Variants in NAA30 observed in about 807,000 individuals in gnomAD.
NAA30 encodes the protein N-alpha-acetyltransferase 30, NatC catalytic subunit.
In NAA30, 5 loss-of-function variants were observed where a neutral mutation model predicts 31.4. The observed-to-expected ratio is 0.16, with a 90% confidence interval of 0.08 to 0.33. NAA30 has a LOEUF of 0.33. Among genes scored for constraint, NAA30 ranks in the 10% least tolerant of loss-of-function variants. The pLI, the probability that NAA30 is intolerant of heterozygous loss-of-function variation, is 1.00. For missense variants in NAA30, 428 were observed against 490.8 expected (o/e 0.87, Z 1.21); for synonymous variants, 222 against 207.1 (o/e 1.07, Z -0.62).
rs190300927 is a variant in NAA30 at position 57,395,525 on chromosome 14, A to G, written c.772-1227A>G. 1.2e-3 allele frequency among the ~76,000 whole-genome samples: 186 copies of G among 152,286 alleles called. 2 individuals are homozygous for G. Among genetic ancestry groups the G allele is most frequent in the African/African-American group, 4.3e-3 (180 of 41,568 alleles). On this transcript the variant is annotated intron_variant, in intron 2 of 4. Transcript: ENST00000556492. ...CAGTTGGAGATACTGCCCTATTTATATTTACCAGAAATACTGTGTTACTAG... is the reference window on the plus strand; with the variant it reads ...CAGTTGGAGATACTGCCCTATTTATGTTTACCAGAAATACTGTGTTACTAG...
chr14:57,393,806 C>T (rs566090567), intron 2 of NAA30, among the ~76,000 whole-genome samples: 2 of 151,818 alleles, frequency 1.3e-5, no homozygotes, highest in African/African-American at 2.4e-5. Flanking sequence ...AGATATTTAC[C>T]GTCGGAAGGG....
In NAA30 at chr14:57,390,697, C is replaced by T. The variant is rs1042041306; in HGVS notation, c.-10C>T. On this transcript the variant is annotated 5_prime_UTR_variant, in exon 1 of 5. Coordinates refer to ENST00000556492, the MANE Select transcript of NAA30 (RefSeq NM_001011713.3). ...GAGTGGCGGCAGCGGCGGCGGGGAC[C>T]CGTGCGGGGTGAGCCGTGAGGAGGG... 1.6e-5 allele frequency: 6 copies of T among 382,294 alleles called. No homozygotes were observed. Among genetic ancestry groups the T allele is most frequent in the East Asian group, 3.8e-5 (1 of 26,288 alleles). 23.7% of individuals were successfully genotyped at this position (382,294 alleles called of 1,614,324 possible). A position where few individuals can be genotyped will look rare whatever the true frequency, so the allele number is the denominator to read the frequency against.
In NAA30 at chr14:57,399,897, A is replaced by G. The variant is rs749927084; in HGVS notation, c.951+14A>G. ...GACTGTGATGAGGTAAGTCTTTAAA[A>G]ATGTTTAATATTTTTTATCTGGGCA... On this transcript the variant is annotated intron_variant, in intron 4 of 4. Transcript: ENST00000556492. 1 of 1,335,524 alleles carries G rather than the reference A, an allele frequency of 7.5e-7. No homozygotes were observed. The highest frequency in any genetic ancestry group is 1.3e-5 in the South Asian group (1 of 77,724). 82.7% of individuals were successfully genotyped at this position (1,335,524 alleles called of 1,614,324 possible).
intron 3 of NAA30, 68 bp from the exon 4 acceptor site, chr14:57,399,760 A>G: frequency 1.2e-6 from 1 of 856,050 alleles, no homozygotes; most frequent in Non-Finnish European, 1.9e-6. Context: ...GTGCTTACGA[A>G]TATTATAATT....
In NAA30 at chr14:57,390,966, G is replaced by A; in HGVS notation, c.9G>A (p.Glu3=). Reference sequence around the variant, plus strand: ...TCTGTGTCGCTTCTAGGATGGCGGAGGTACCGCCTGGGCCTAGCAGCCTCC... The same window carrying A: ...TCTGTGTCGCTTCTAGGATGGCGGAAGTACCGCCTGGGCCTAGCAGCCTCC... MA[E]VPPGPSSLLP... The change falls in exon 2 of 5, where the codon GAG becomes GAA. Residue 3 remains glutamate, a synonymous_variant. Coordinates refer to ENST00000556492, the MANE Select transcript of NAA30 (RefSeq NM_001011713.3). 3 of 1,478,552 alleles carry A rather than the reference G, an allele frequency of 2.0e-6. No individual in the cohort carries two copies. Among genetic ancestry groups the A allele is most frequent in the Non-Finnish European group, 2.7e-6 (3 of 1,120,758 alleles). 91.6% of individuals were successfully genotyped at this position (1,478,552 alleles called of 1,614,324 possible). A position where few individuals can be genotyped will look rare whatever the true frequency, so the allele number is the denominator to read the frequency against.
rs1271435555 is a variant in NAA30 at position 57,415,074 on chromosome 14, TTTTC to T, written c.*5560_*5563del. On this transcript the variant is annotated 3_prime_UTR_variant, in exon 5 of 5. Transcript: ENST00000556492. ...CCTCTTTGCTGTATGAATATCTTAA[TTTTC>T]TAATACCTCAGTTTCATGAGAACTG... 10 of 152,210 alleles carry T rather than the reference TTTTC, an allele frequency of 6.6e-5. No homozygotes were observed. Among genetic ancestry groups the T allele is most frequent in the African/African-American group, 2.4e-4 (10 of 41,458 alleles). The allele number at this position is 152,210 out of a possible 1,614,324, so 9.4% of individuals were successfully genotyped here. A position where few individuals can be genotyped will look rare whatever the true frequency, so the allele number is the denominator to read the frequency against.
At chr14:57,399,426 CT>C (rs1298492293) in intron 3 of NAA30, among the ~76,000 whole-genome samples, 1 of 152,134 alleles carries the variant, frequency 6.6e-6, no homozygotes, top group Non-Finnish European at 1.5e-5. Context: ...TTTGAAGGAT[CT>C]TTGGTGAGAT....
chr14:57,401,955 CT>C (rs1391720659), intron 4 of NAA30, among the ~76,000 whole-genome samples: 8 of 152,232 alleles, frequency 5.3e-5, no homozygotes, highest in African/African-American at 1.9e-4. Context: ...GTTACTTAAT[CT>C]TTAGGCTGAC....
At chr14:57,403,682 C>T (rs1036854498) in intron 4 of NAA30, among the ~76,000 whole-genome samples, 1 of 152,142 alleles carries the variant, frequency 6.6e-6, no homozygotes, top group Non-Finnish European at 1.5e-5. Flanking sequence ...TTTGTTTACA[C>T]CCCCTGCACG....
chr14:57,396,376 C>A (rs1035220255), intron 2 of NAA30, among the ~76,000 whole-genome samples: 1 of 149,478 alleles, frequency 6.7e-6, no homozygotes, highest in Non-Finnish European at 1.5e-5. Flanking sequence ...TCTTTATAAT[C>A]ATTTTTTTTT....
intron 4 of NAA30, among the ~76,000 whole-genome samples, chr14:57,406,158 C>A (rs1044862804): frequency 6.6e-6 from 1 of 152,122 alleles, no homozygotes; most frequent in Admixed American, 6.5e-5. Flanking sequence ...CCAGGAGAAT[C>A]TTTACATTTT....
chr14:57,397,080 C>CA, intron 3 of NAA30, among the ~76,000 whole-genome samples: 1 of 152,038 alleles, frequency 6.6e-6, no homozygotes, highest in Non-Finnish European at 1.5e-5. Context: ...TTTTGTTTGA[C>CA]AGTTTTTCGT....
intron 4 of NAA30, among the ~76,000 whole-genome samples, chr14:57,408,009 G>C (rs2066506793): frequency 6.6e-6 from 1 of 152,152 alleles, no homozygotes; most frequent in Admixed American, 6.5e-5. Context: ...GTGTGGTGGG[G>C]GGTGATCCTG....
chr14:57,400,342 C>T (rs1426578686), intron 4 of NAA30, among the ~76,000 whole-genome samples: 1 of 152,202 alleles, frequency 6.6e-6, no homozygotes, highest in East Asian at 1.9e-4. Context: ...GCTATCTGCG[C>T]ATTAACATAA....
chr14:57,390,777 C>A, intron 1 of NAA30, 72 bp downstream of exon 1: 1 of 548,522 alleles, frequency 1.8e-6, no homozygotes, highest in Non-Finnish European at 2.8e-6. Flanking sequence ...CGGTGGCCGG[C>A]TGAGCAGCTG....
At chr14:57,409,322 T>C (rs1480709269) in intron 4 of NAA30, 57 bp from the exon 5 acceptor site, 20 of 1,376,424 alleles carry the variant, frequency 1.5e-5, no homozygotes, top group African/African-American at 7.4e-5. Context: ...GTTTAGTTGG[T>C]AAATTATTTT....
At chr14:57,402,596 T>A (rs921786298) in intron 4 of NAA30, among the ~76,000 whole-genome samples, 7 of 152,238 alleles carry the variant, frequency 4.6e-5, no homozygotes, top group East Asian at 1.9e-4. Context: ...GGATTTTTTT[T>A]AAAAAAAGGC....
At chr14:57,406,944 G>C (rs2066500592) in intron 4 of NAA30, among the ~76,000 whole-genome samples, 1 of 152,132 alleles carries the variant, frequency 6.6e-6, no homozygotes, top group African/African-American at 2.4e-5. Flanking sequence ...CCAGGCTAGA[G>C]TGCAGTGGTG....
intron 3 of NAA30, among the ~76,000 whole-genome samples, chr14:57,398,372 G>A (rs961082977): frequency 7.9e-5 from 12 of 152,292 alleles, no homozygotes; most frequent in East Asian, 1.9e-4. Context: ...CTTTTGGGTT[G>A]CATCCTGGCC....
Sources: allele counts gnomAD v4.1 joint callset (sites outside exome capture counted in the v4.1 genomes callset), GRCh38; gene constraint gnomAD v4.1.1; transcripts MANE v1.5; gene names NCBI Gene and HGNC (gene_info 2026-07-23, HGNC 2026-07-21).